Variants in OXCT1 observed in about 807,000 individuals in gnomAD.
OXCT1 encodes the protein 3-oxoacid CoA-transferase 1.
A neutral mutation model predicts 69.6 loss-of-function variants in OXCT1; 27 were observed. The observed-to-expected ratio is 0.39, with a 90% CI of 0.29 to 0.54. The LOEUF is 0.54. Ranked by LOEUF, OXCT1 falls within the 20% of genes least tolerant of loss-of-function variation. The pLI, the probability that OXCT1 is intolerant of heterozygous loss-of-function variation, is 0.72. For synonymous variants in OXCT1, 202 were observed against 217.8 expected (o/e 0.93, Z 0.64); for missense variants, 437 against 650.2 (o/e 0.67, Z 3.57).
intron 15 of OXCT1, among the ~76,000 whole-genome samples, chr5:41,741,588 T>C (rs1028036837): frequency 6.6e-6 from 1 of 152,184 alleles, no homozygotes; most frequent in Admixed American, 6.5e-5. Context: ...ACATCTCACT[T>C]ATATGTGATG....
chr5:41,775,790 T>C (rs79466772), intron 13 of OXCT1, among the ~76,000 whole-genome samples: 1,701 of 152,194 alleles, frequency 0.011, 29 homozygotes, highest in Middle Eastern at 0.034. Context: ...TTATTATGAA[T>C]AACAAAATGC....
intron 10 of OXCT1, among the ~76,000 whole-genome samples, chr5:41,801,964 G>T (rs991435122): frequency 2.6e-5 from 4 of 151,710 alleles, no homozygotes. Flanking sequence ...ATACTTTCTA[G>T]AGAGGGACCA....
chr5:41,843,501 TTTTA>T (rs1345507480), intron 5 of OXCT1: 3 of 455,756 alleles, frequency 6.6e-6, no homozygotes, highest in Non-Finnish European at 8.8e-6. Context: ...TGCTATTGAT[TTTTA>T]TTTATGTTTA....
chr5:41,787,809 T>A (rs1356524516), intron 13 of OXCT1, among the ~76,000 whole-genome samples: 1 of 151,990 alleles, frequency 6.6e-6, no homozygotes, highest in Non-Finnish European at 1.5e-5. Flanking sequence ...AAGGCTACTC[T>A]CAACTAATCT....
intron 5 of OXCT1, 47 bp downstream of exon 5, chr5:41,849,983 C>A: frequency 4.4e-6 from 7 of 1,602,486 alleles, no homozygotes; most frequent in South Asian, 2.2e-5. Flanking sequence ...CAAAATCCCA[C>A]GTGGAAAGAG....
chr5:41,812,397 A>T (rs1747027406), intron 7 of OXCT1, among the ~76,000 whole-genome samples: 1 of 152,058 alleles, frequency 6.6e-6, no homozygotes, highest in Non-Finnish European at 1.5e-5. Context: ...AAAAAGGGTT[A>T]TATTGATGAG....
chr5:41,781,117 A>G (rs2112178894), intron 13 of OXCT1, among the ~76,000 whole-genome samples: 1 of 152,006 alleles, frequency 6.6e-6, no homozygotes, highest in Middle Eastern at 3.4e-3. Flanking sequence ...GTTAGCCAGG[A>G]TGGTCTTGAT....
Position 41,749,485 on chromosome 5 carries a change from G to T in OXCT1, c.1419+42C>A, listed in dbSNP as rs371467362. The T allele has an allele frequency of 1.5e-5, 19 of 1,274,804 alleles. No individual in the cohort carries two copies. The South Asian group carries it at 2.2e-4, about 15-fold the overall frequency. The allele number at this position is 1,274,804 out of a possible 1,614,324, so 79.0% of individuals were successfully genotyped here. A position where few individuals can be genotyped will look rare whatever the true frequency, so the allele number is the denominator to read the frequency against. On this transcript the variant is annotated intron_variant, in intron 15 of 16. Coordinates refer to ENST00000196371, the MANE Select transcript of OXCT1 (RefSeq NM_000436.4). ...GAAGGTAACAAAACTTTCTAAAAAT[G>T]CTTACTTAAAACATGGTAATAGTAG...
At position 41,737,793 on chromosome 5, in the gene OXCT1, C is replaced by T. The variant is rs576166564; in HGVS notation, c.1521+1597G>A. On this transcript the variant is annotated intron_variant, in intron 16 of 16. Transcript: ENST00000196371. Reference sequence around the variant, plus strand: ...TGTGTAGGCCGGGCACGGTGGCTCACGCCTGTAATCCCAGCACTTTGGGAG... The same window carrying T: ...TGTGTAGGCCGGGCACGGTGGCTCATGCCTGTAATCCCAGCACTTTGGGAG... Among the ~76,000 whole-genome samples, 6 of 152,300 alleles carry T rather than the reference C, an allele frequency of 3.9e-5. No homozygotes were observed. The South Asian group carries it at 1.2e-3, about 32-fold the overall frequency.
intron 7 of OXCT1, among the ~76,000 whole-genome samples, chr5:41,836,638 G>A (rs189055338): frequency 3.9e-4 from 60 of 152,244 alleles, no homozygotes; most frequent in Non-Finnish European, 6.3e-4. Flanking sequence ...GCGTTAGTTA[G>A]ATTCTCATAA....
At chr5:41,842,807 C>T (rs763195008) in intron 5 of OXCT1, 26 bp from the exon 6 acceptor site, 1 of 1,423,178 alleles carries the variant, frequency 7.0e-7, no homozygotes, top group Non-Finnish European at 9.9e-7. Context: ...AAGGCATCAT[C>T]AGGTATTTGC....
chr5:41,792,176 G>A (rs1296395942), intron 13 of OXCT1, among the ~76,000 whole-genome samples: 1 of 152,172 alleles, frequency 6.6e-6, no homozygotes, highest in Admixed American at 6.5e-5. Context: ...TACTTTGTAT[G>A]CATTGTCACA....
intron 5 of OXCT1, among the ~76,000 whole-genome samples, chr5:41,843,138 A>G (rs1181541517): frequency 1.3e-5 from 2 of 152,194 alleles, no homozygotes; most frequent in African/African-American, 4.8e-5. Context: ...CTCCCCTGAA[A>G]AAACAGTTTG....
At chr5:41,797,516 A>G (rs987005664) in intron 11 of OXCT1, among the ~76,000 whole-genome samples, 7 of 152,184 alleles carry the variant, frequency 4.6e-5, no homozygotes, top group African/African-American at 1.7e-4. Context: ...CAACACAAAG[A>G]GGGCTTTCTT....
At chr5:41,796,134 C>T (rs1160027695) in intron 11 of OXCT1, among the ~76,000 whole-genome samples, 2 of 152,098 alleles carry the variant, frequency 1.3e-5, no homozygotes, top group African/African-American at 4.8e-5. Context: ...GGACATCTCC[C>T]AAGACTTACA....
intron 13 of OXCT1, among the ~76,000 whole-genome samples, chr5:41,791,261 C>T (rs1057276188): frequency 1.3e-5 from 2 of 152,102 alleles, no homozygotes; most frequent in African/African-American, 4.8e-5. Flanking sequence ...GTAACACTAC[C>T]AACTTCCATT....
intron 7 of OXCT1, among the ~76,000 whole-genome samples, chr5:41,808,036 AT>A (rs1247377216): frequency 6.6e-6 from 1 of 152,114 alleles, no homozygotes; most frequent in African/African-American, 2.4e-5. Flanking sequence ...ATATTAATTA[AT>A]AACTAGAAAT....
chr5:41,773,258 G>A (rs1258692109), intron 13 of OXCT1, among the ~76,000 whole-genome samples: 1 of 151,938 alleles, frequency 6.6e-6, no homozygotes, highest in East Asian at 1.9e-4. Context: ...CTTTGGTGAA[G>A]AACTTGGTAG....
chr5:41,806,826 A>C (rs905623055), intron 8 of OXCT1, among the ~76,000 whole-genome samples: 1 of 151,994 alleles, frequency 6.6e-6, no homozygotes, highest in African/African-American at 2.4e-5. Flanking sequence ...CTGGCCTTAG[A>C]ATACCTTCAA....
Sources: gnomAD v4.1 joint callset for allele counts (sites outside exome capture counted in the v4.1 genomes callset) on GRCh38, gnomAD v4.1.1 for gene constraint, MANE v1.5 for transcripts, NCBI Gene and HGNC (gene_info 2026-07-23, HGNC 2026-07-21) for gene names.